Variants in PLXNA4 observed in about 807,000 individuals in gnomAD.
The protein encoded by PLXNA4 is plexin-A4.
A neutral mutation model predicts 191.8 loss-of-function variants in PLXNA4; 44 were observed. That is an observed-to-expected ratio of 0.23 (90% CI 0.18 to 0.29). PLXNA4 has a LOEUF of 0.29. PLXNA4 is among the 10% of genes least tolerant of loss of function. The pLI is 1.00. For missense variants in PLXNA4, 1,800 were observed against 2,488.8 expected (o/e 0.72, Z 5.89); for synonymous variants, 1,082 against 1,009.5 (o/e 1.07, Z -1.36).
intron 3 of PLXNA4, among the ~76,000 whole-genome samples, chr7:132,365,307 C>A (rs1804108457): frequency 6.6e-6 from 1 of 151,602 alleles, no homozygotes; most frequent in Non-Finnish European, 1.5e-5. Flanking sequence ...GCCCTGCTCC[C>A]CCGGTCTTTC....
intron 3 of PLXNA4, among the ~76,000 whole-genome samples, chr7:132,355,841 G>A (rs1304685603): frequency 1.3e-5 from 2 of 152,142 alleles, no homozygotes; most frequent in Non-Finnish European, 2.9e-5. Flanking sequence ...TTTCCAGAAG[G>A]AGGGAGTATT....
At chr7:132,464,672 G>A (rs1017100494) in intron 3 of PLXNA4, among the ~76,000 whole-genome samples, 3 of 152,232 alleles carry the variant, frequency 2.0e-5, no homozygotes, top group South Asian at 2.1e-4. Context: ...AGAATCTGTA[G>A]TAGTGATGCA....
At chr7:132,648,025 A>T (rs1253433201) in intron 1 of PLXNA4, among the ~76,000 whole-genome samples, 2 of 148,512 alleles carry the variant, frequency 1.3e-5, no homozygotes, top group Non-Finnish European at 3.0e-5. Context: ...ACATATACTC[A>T]CACACACACA....
intron 3 of PLXNA4, among the ~76,000 whole-genome samples, chr7:132,409,377 C>T (rs1232797047): frequency 6.6e-6 from 1 of 152,190 alleles, no homozygotes; most frequent in Non-Finnish European, 1.5e-5. Flanking sequence ...TTCCCTTGAC[C>T]AAACTCCATG....
intron 31 of PLXNA4, among the ~76,000 whole-genome samples, chr7:132,132,473 C>CTTTCTATTCTATTCTATTCTAT (rs1563048405): frequency 3.8e-5 from 2 of 53,054 alleles, no homozygotes; most frequent in African/African-American, 7.5e-5. Flanking sequence ...TTCTGCTCTG[C>CTTTCTATTCTATTCTATTCTAT]TCTGCTCTGC....
intron 29 of PLXNA4, among the ~76,000 whole-genome samples, chr7:132,142,888 G>A (rs186514349): frequency 1.3e-5 from 2 of 152,350 alleles, no homozygotes; most frequent in African/African-American, 2.4e-5. Flanking sequence ...TTGCTCTGCC[G>A]GTTGTTTCTT....
chr7:132,399,350 T>C (rs1008772593), intron 3 of PLXNA4, among the ~76,000 whole-genome samples: 4 of 152,214 alleles, frequency 2.6e-5, no homozygotes, highest in Non-Finnish European at 5.9e-5. Flanking sequence ...AAAATAGTCA[T>C]GATCACTTCT....
chr7:132,309,951 A>G (rs1801664787), intron 3 of PLXNA4, among the ~76,000 whole-genome samples: 1 of 152,136 alleles, frequency 6.6e-6, no homozygotes, highest in Admixed American at 6.5e-5. Flanking sequence ...CTCCCTTCAC[A>G]TCCCAGATTT....
At chr7:132,589,733 T>A (rs1357621149) in intron 2 of PLXNA4, among the ~76,000 whole-genome samples, 1 of 152,216 alleles carries the variant, frequency 6.6e-6, no homozygotes, top group Non-Finnish European at 1.5e-5. Context: ...TGAGATGTAA[T>A]GAGTGAAATG....
At chr7:132,438,894 G>A (rs1448876405) in intron 3 of PLXNA4, among the ~76,000 whole-genome samples, 1 of 152,072 alleles carries the variant, frequency 6.6e-6, no homozygotes, top group Non-Finnish European at 1.5e-5. Flanking sequence ...GTCATCGATG[G>A]ACTTTCACAG....
chr7:132,634,527 A>T (rs912757507), intron 2 of PLXNA4, among the ~76,000 whole-genome samples: 4 of 151,952 alleles, frequency 2.6e-5, no homozygotes, highest in African/African-American at 9.7e-5. Context: ...ACAACATCCT[A>T]TCCCACTCTT....
intron 4 of PLXNA4, among the ~76,000 whole-genome samples, chr7:132,252,646 T>C (rs1799296399): frequency 6.6e-6 from 1 of 152,168 alleles, no homozygotes; most frequent in South Asian, 2.1e-4. Flanking sequence ...AGTGTTTAGA[T>C]TAGCACAACC....
intron 4 of PLXNA4, among the ~76,000 whole-genome samples, chr7:132,264,886 TG>T (rs1173199133): frequency 6.6e-6 from 1 of 152,062 alleles, no homozygotes; most frequent in Non-Finnish European, 1.5e-5. Flanking sequence ...TTAGTAGAGA[TG>T]GGGTTTCACC....
At chr7:132,268,319 A>C (rs1164529892) in intron 4 of PLXNA4, among the ~76,000 whole-genome samples, 2 of 152,236 alleles carry the variant, frequency 1.3e-5, no homozygotes, top group Non-Finnish European at 2.9e-5. Context: ...CTTGCTTTAA[A>C]GTATCAGACA....
chr7:132,308,534 C>T (rs1427802516), intron 3 of PLXNA4, among the ~76,000 whole-genome samples: 1 of 152,198 alleles, frequency 6.6e-6, no homozygotes, highest in African/African-American at 2.4e-5. Context: ...CATGCTCATC[C>T]ATGCTGCAAA....
At chr7:132,197,336 T>A (rs1405102906) in intron 13 of PLXNA4, among the ~76,000 whole-genome samples, 1 of 152,220 alleles carries the variant, frequency 6.6e-6, no homozygotes, top group African/African-American at 2.4e-5. Flanking sequence ...ATCACCTCTA[T>A]TACATACTAA....
At position 132,181,486 on chromosome 7, in the gene PLXNA4, G is replaced by A. The variant is rs556371852; in HGVS notation, c.3387C>T (p.Leu1129=). The A allele has an allele frequency of 2.4e-5, 38 of 1,614,198 alleles. No homozygotes were observed. In the African/African-American group the frequency reaches 3.3e-4, roughly 14 times the overall value. ...AGGTGAAGTTGGTCTTGTTGAGGAT[G>A]AGCAGGGACTGGACGTTGTCCAGGA... ...GFILDNVQSL[L]ILNKTNFTYY... is the part of the protein sequence containing the mutation. Residue 1129 remains leucine, a synonymous_variant, in exon 18 of 32, where the codon CTC becomes CTT. Transcript: ENST00000321063.
At chr7:132,319,223 C>T (rs1425267975) in intron 3 of PLXNA4, among the ~76,000 whole-genome samples, 1 of 152,160 alleles carries the variant, frequency 6.6e-6, no homozygotes, top group Non-Finnish European at 1.5e-5. Flanking sequence ...AAAACCCCTG[C>T]AGAGCTTGTG....
chr7:132,187,880 CATGT>C (rs1230672688), intron 14 of PLXNA4, among the ~76,000 whole-genome samples: 1 of 152,056 alleles, frequency 6.6e-6, no homozygotes, highest in African/African-American at 2.4e-5. Flanking sequence ...CATAATTATA[CATGT>C]ATGTGTATAT....
Sources: allele counts gnomAD v4.1 joint callset (sites outside exome capture counted in the v4.1 genomes callset), GRCh38; gene constraint gnomAD v4.1.1; transcripts MANE v1.5; gene names NCBI Gene and HGNC (gene_info 2026-07-23, HGNC 2026-07-21).